PPFIA2: variants seen among roughly 807,000 people sequenced by gnomAD.
The protein encoded by PPFIA2 is liprin-alpha-2.
PPFIA2 carries 46 observed loss-of-function variants against 175.5 expected under a neutral mutation model. The observed-to-expected ratio is 0.26, with a 90% confidence interval of 0.21 to 0.34. PPFIA2 has a LOEUF of 0.34. Among genes scored for constraint, PPFIA2 ranks in the 10% least tolerant of loss-of-function variants. The pLI, the probability that PPFIA2 is intolerant of heterozygous loss-of-function variation, is 1.00. For missense variants in PPFIA2, 1,179 were observed against 1,506.1 expected (o/e 0.78, Z 3.60); for synonymous variants, 568 against 511.4 (o/e 1.11, Z -1.49).
At chr12:81,334,190 A>G (rs1307412753) in intron 21 of PPFIA2, among the ~76,000 whole-genome samples, 1 of 152,218 alleles carries the variant, frequency 6.6e-6, no homozygotes, top group Non-Finnish European at 1.5e-5. Context: ...ATGCATGATC[A>G]CAGATCTTAG....
At chr12:81,512,232 C>G in intron 4 of PPFIA2, 7 of 1,018,698 alleles carry the variant, frequency 6.9e-6, no homozygotes, top group Non-Finnish European at 9.4e-6. Context: ...TTAACGGCTC[C>G]CTAATGCCTT....
chr12:81,550,182 A>C (rs1221114856), intron 4 of PPFIA2, among the ~76,000 whole-genome samples: 2 of 151,956 alleles, frequency 1.3e-5, no homozygotes, highest in Non-Finnish European at 2.9e-5. Context: ...TGTACAAATG[A>C]AGAAGGTTAC....
chr12:81,299,045 T>C (rs1305377043), intron 23 of PPFIA2, among the ~76,000 whole-genome samples: 1 of 152,196 alleles, frequency 6.6e-6, no homozygotes, highest in Non-Finnish European at 1.5e-5. Context: ...TTTTGTTTCT[T>C]CTCTTGCTCT....
intron 7 of PPFIA2, among the ~76,000 whole-genome samples, chr12:81,412,282 A>T (rs764127853): frequency 6.7e-6 from 1 of 150,338 alleles, no homozygotes; most frequent in African/African-American, 2.4e-5. Context: ...AAATACTGGG[A>T]AAAATGCAGA....
chr12:81,533,514 C>G (rs1193096723), intron 4 of PPFIA2, among the ~76,000 whole-genome samples: 1 of 151,492 alleles, frequency 6.6e-6, no homozygotes, highest in Non-Finnish European at 1.5e-5. Context: ...TTTTCCACAA[C>G]TTGAAATTTT....
At chr12:81,461,747 T>G (rs906252844) in intron 4 of PPFIA2, among the ~76,000 whole-genome samples, 6 of 152,106 alleles carry the variant, frequency 3.9e-5, no homozygotes, top group African/African-American at 1.4e-4. Context: ...CTTTTCATTT[T>G]TTTCAACTTT....
At chr12:81,445,108 A>T (rs1438310999) in intron 6 of PPFIA2, among the ~76,000 whole-genome samples, 3 of 151,754 alleles carry the variant, frequency 2.0e-5, no homozygotes, top group Non-Finnish European at 2.9e-5. Context: ...TTCTAAAATA[A>T]ATGTCTAAAA....
chr12:81,527,597 T>C (rs2063883517), intron 4 of PPFIA2, among the ~76,000 whole-genome samples: 1 of 152,088 alleles, frequency 6.6e-6, no homozygotes, highest in Non-Finnish European at 1.5e-5. Context: ...TCCTCATACC[T>C]TCGGTGTTCC....
chr12:81,463,986 A>C (rs1036679492), intron 4 of PPFIA2, among the ~76,000 whole-genome samples: 6 of 152,084 alleles, frequency 3.9e-5, no homozygotes, highest in African/African-American at 1.4e-4. Context: ...ATTACATAAA[A>C]TCTAAAGCTC....
chr12:81,699,010 C>G (rs1416137993), intron 3 of PPFIA2, among the ~76,000 whole-genome samples: 1 of 151,992 alleles, frequency 6.6e-6, no homozygotes, highest in Non-Finnish European at 1.5e-5. Context: ...TCTACTAACT[C>G]AGAAAAGCCT....
At chr12:81,482,466 T>A (rs2058349912) in intron 4 of PPFIA2, among the ~76,000 whole-genome samples, 1 of 152,120 alleles carries the variant, frequency 6.6e-6, no homozygotes, top group South Asian at 2.1e-4. Flanking sequence ...CTGTTCACAA[T>A]AGCAAAGGCT....
chr12:81,477,481 G>A (rs754434372), intron 4 of PPFIA2, among the ~76,000 whole-genome samples: 5 of 152,040 alleles, frequency 3.3e-5, no homozygotes, highest in African/African-American at 4.8e-5. Context: ...GTCTTGTGCC[G>A]GTCTTCAAAG....
At chr12:81,569,730 C>T (rs2072114178) in intron 4 of PPFIA2, among the ~76,000 whole-genome samples, 1 of 152,126 alleles carries the variant, frequency 6.6e-6, no homozygotes, top group Non-Finnish European at 1.5e-5. Context: ...CTTCTACTTA[C>T]TGGCACTTAA....
intron 4 of PPFIA2, among the ~76,000 whole-genome samples, chr12:81,524,889 T>C (rs2063566265): frequency 6.6e-6 from 1 of 152,178 alleles, no homozygotes; most frequent in African/African-American, 2.4e-5. Flanking sequence ...AAATCCTTCA[T>C]GAATGAGATT....
intron 4 of PPFIA2, among the ~76,000 whole-genome samples, chr12:81,541,439 G>C (rs1448195175): frequency 6.6e-6 from 1 of 152,034 alleles, no homozygotes; most frequent in African/African-American, 2.4e-5. Flanking sequence ...GTTGTCTTCT[G>C]TGGTAGGAAG....
Position 81,595,236 on chromosome 12 carries a change from T to TTATATATA in PPFIA2, c.303+81547_303+81554dup, listed in dbSNP as rs111526144. On this transcript the variant is annotated intron_variant, in intron 4 of 32. Coordinates refer to ENST00000549396, the MANE Select transcript of PPFIA2 (RefSeq NM_003625.5). The stretch of plus-strand genomic sequence containing the variant: ...ATAAAGGTAACAAAATTCACTGTGT[T>TTATATATA]TATATATATATATATATACTTTAAA... 1.2e-3 allele frequency among the ~76,000 whole-genome samples: 179 copies of TTATATATA among 147,034 alleles called. 1 individual carries two copies. Among genetic ancestry groups the TTATATATA allele is most frequent in the South Asian group, 3.5e-3 (16 of 4,620 alleles).
intron 6 of PPFIA2, among the ~76,000 whole-genome samples, chr12:81,445,217 G>A: frequency 2.1e-5 from 2 of 93,378 alleles, no homozygotes; most frequent in South Asian, 4.1e-4. Context: ...GGGGGGGGGG[G>A]AGGGGGGAGA....
chr12:81,302,760 T>C (rs887034160), intron 22 of PPFIA2: 1 of 425,174 alleles, frequency 2.4e-6, no homozygotes, highest in African/African-American at 2.0e-5. Context: ...CAATATTGCC[T>C]TGCATTATTA....
At chr12:81,279,704 T>C (rs1035350053) in intron 27 of PPFIA2, among the ~76,000 whole-genome samples, 1 of 152,026 alleles carries the variant, frequency 6.6e-6, no homozygotes, top group Non-Finnish European at 1.5e-5. Context: ...TAGAAAACAT[T>C]TTACTAAAGT....
Sources: allele counts gnomAD v4.1 joint callset (sites outside exome capture counted in the v4.1 genomes callset), GRCh38; gene constraint gnomAD v4.1.1; transcripts MANE v1.5; gene names NCBI Gene and HGNC (gene_info 2026-07-23, HGNC 2026-07-21).